The following TNS3 variants were observed in gnomAD, a reference collection of about 807,000 sequenced individuals.
TNS3 encodes tensin 3, also known as tensin-3.
In TNS3, 45 loss-of-function variants were observed where a neutral mutation model predicts 140.9. The ratio of observed to expected loss-of-function variants is 0.32; its 90% CI spans 0.25 to 0.41. The LOEUF (loss-of-function observed/expected upper bound fraction) is 0.41. Ranked by LOEUF, TNS3 falls within the 10% of genes least tolerant of loss-of-function variation. TNS3 has a pLI of 1.00. For synonymous variants in TNS3, 815 were observed against 788.4 expected, an observed-to-expected ratio of 1.03 and a Z score of -0.56; for missense variants, 1,716 against 1,906.7, an observed-to-expected ratio of 0.90 and a Z score of 1.86.
intron 5 of TNS3, among the ~76,000 whole-genome samples, chr7:47,440,428 C>T (rs556266051): frequency 5.3e-5 from 8 of 152,290 alleles, no homozygotes; most frequent in African/African-American, 1.9e-4. Flanking sequence ...GGGCTGGCCA[C>T]CCAACCAGGT....
intron 2 of TNS3, among the ~76,000 whole-genome samples, chr7:47,525,972 AG>A (rs1332429924): frequency 6.6e-6 from 1 of 152,214 alleles, no homozygotes; most frequent in African/African-American, 2.4e-5. Context: ...ACAGAGGAAG[AG>A]ACACAAGTCC....
chr7:47,545,724 G>GC (rs1187066618), intron 1 of TNS3, among the ~76,000 whole-genome samples: 1 of 152,146 alleles, frequency 6.6e-6, no homozygotes, highest in Non-Finnish European at 1.5e-5. Flanking sequence ...GACCGAAAAT[G>GC]CCCCAACATT....
chr7:47,369,759 C>T (rs1790945729), intron 16 of TNS3, 138 bp from the exon 17 acceptor site: 4 of 1,033,878 alleles, frequency 3.9e-6, no homozygotes, highest in Non-Finnish European at 5.4e-6. Context: ...GACAAAGATT[C>T]CTCTAACATC....
At chr7:47,487,025 G>A (rs1973590) in intron 3 of TNS3, among the ~76,000 whole-genome samples, 83,848 of 152,086 alleles carry the variant, frequency 0.55, 25,731 homozygotes, top group Non-Finnish European at 0.66. Flanking sequence ...GAGGCCGGGC[G>A]CAGTAGCTCA....
intron 16 of TNS3, among the ~76,000 whole-genome samples, chr7:47,387,039 G>A (rs1318913908): frequency 6.6e-6 from 1 of 152,210 alleles, no homozygotes; most frequent in Non-Finnish European, 1.5e-5. Context: ...TGGACTTACA[G>A]AGAGAGTAAG....
intron 15 of TNS3, among the ~76,000 whole-genome samples, chr7:47,397,738 G>C (rs1184670727): frequency 6.6e-6 from 1 of 152,154 alleles, no homozygotes; most frequent in African/African-American, 2.4e-5. Flanking sequence ...AAGTCTGAAA[G>C]ATCACATATT....
intron 17 of TNS3, among the ~76,000 whole-genome samples, chr7:47,359,195 G>C (rs1307363590): frequency 1.3e-5 from 2 of 152,158 alleles, no homozygotes; most frequent in Non-Finnish European, 2.9e-5. Flanking sequence ...CCCAGCTGTG[G>C]AATATTACTC....
At chr7:47,576,934 A>T (rs1424309848) in intron 1 of TNS3, among the ~76,000 whole-genome samples, 1 of 152,242 alleles carries the variant, frequency 6.6e-6, no homozygotes, top group Non-Finnish European at 1.5e-5. Flanking sequence ...ACACTTCCCG[A>T]GGACTTTCTT....
intron 20 of TNS3, among the ~76,000 whole-genome samples, chr7:47,312,881 T>C (rs1442045053): frequency 6.6e-6 from 1 of 151,814 alleles, no homozygotes; most frequent in African/African-American, 2.4e-5. Flanking sequence ...AGTATAATAA[T>C]AATAAAATTA....
At chr7:47,366,967 T>A (rs1378502557) in intron 17 of TNS3, among the ~76,000 whole-genome samples, 1 of 152,208 alleles carries the variant, frequency 6.6e-6, no homozygotes, top group Non-Finnish European at 1.5e-5. Context: ...GTCTTCACTT[T>A]TAGAGGCAAG....
At chr7:47,548,275 A>T (rs1350425867) in intron 1 of TNS3, among the ~76,000 whole-genome samples, 1 of 152,052 alleles carries the variant, frequency 6.6e-6, no homozygotes, top group African/African-American at 2.4e-5. Context: ...GCTGTAACAC[A>T]TCCCATCTTT....
At chr7:47,441,533 G>C (rs1033695724) in intron 5 of TNS3, among the ~76,000 whole-genome samples, 10 of 152,170 alleles carry the variant, frequency 6.6e-5, no homozygotes, top group African/African-American at 1.9e-4. Flanking sequence ...AATTCCCAAG[G>C]ATTTTGTTTT....
chr7:47,346,041 G>A (rs1175515826), intron 18 of TNS3, 146 bp downstream of exon 18: 7 of 1,111,256 alleles, frequency 6.3e-6, no homozygotes, highest in Non-Finnish European at 8.8e-6. Context: ...GACCATATTT[G>A]TGAAACCAGG....
chr7:47,530,449 A>AG (rs1025339425), intron 1 of TNS3, among the ~76,000 whole-genome samples: 2 of 152,060 alleles, frequency 1.3e-5, no homozygotes, highest in Non-Finnish European at 2.9e-5. Flanking sequence ...AGGGCAGGGA[A>AG]GGGGGGATAT....
chr7:47,310,095 T>A (rs1305767770), intron 20 of TNS3, among the ~76,000 whole-genome samples: 2 of 152,008 alleles, frequency 1.3e-5, no homozygotes, highest in East Asian at 3.9e-4. Flanking sequence ...AAGTTTGGAG[T>A]TCAGAGCTAC....
intron 4 of TNS3, among the ~76,000 whole-genome samples, chr7:47,469,817 T>C (rs1423387365): frequency 1.3e-5 from 2 of 151,562 alleles, no homozygotes; most frequent in African/African-American, 4.9e-5. Flanking sequence ...CTGATAAAAA[T>C]ATAAAAATTA....
chr7:47,490,377 A>G (rs977027357), intron 3 of TNS3, among the ~76,000 whole-genome samples: 14 of 152,192 alleles, frequency 9.2e-5, no homozygotes. Context: ...CCTGCATGCT[A>G]TTGCCTGAAT....
chr7:47,528,619 T>C (rs1233243861), intron 2 of TNS3, among the ~76,000 whole-genome samples: 3 of 152,208 alleles, frequency 2.0e-5, no homozygotes, highest in Non-Finnish European at 2.9e-5. Context: ...GTACCCAAGC[T>C]GGTGGCTTAG....
chr7:47,363,550 T>C (rs957020670), intron 17 of TNS3, among the ~76,000 whole-genome samples: 1 of 152,222 alleles, frequency 6.6e-6, no homozygotes, highest in African/African-American at 2.4e-5. Flanking sequence ...TAGTGAAAGA[T>C]TCTGGTAACT....
Sources: gnomAD v4.1 joint callset for allele counts (sites outside exome capture counted in the v4.1 genomes callset) on GRCh38, gnomAD v4.1.1 for gene constraint, MANE v1.5 for transcripts, NCBI Gene and HGNC (gene_info 2026-07-23, HGNC 2026-07-21) for gene names.